Variants in KCNG3 observed in about 807,000 individuals in gnomAD.
KCNG3 encodes the protein potassium voltage-gated channel modifier subfamily G member 3.
Under a neutral mutation model 29.0 loss-of-function variants are expected in KCNG3, and 15 were observed. The ratio of observed to expected loss-of-function variants is 0.52; its 90% CI spans 0.35 to 0.80. The LOEUF is 0.80. Ranked by LOEUF, KCNG3 falls within the 30% of genes least tolerant of loss-of-function variation. KCNG3 has a pLI of 0.01. For synonymous variants in KCNG3, 322 were observed against 248.9 expected, an observed-to-expected ratio of 1.29 and a Z score of -2.76; for missense variants, 512 against 605.7, an observed-to-expected ratio of 0.85 and a Z score of 1.62.
the KCNG3 span, among the ~76,000 whole-genome samples, chr2:42,411,060 G>T: frequency 2.0e-5 from 3 of 152,194 alleles, no homozygotes; most frequent in African/African-American, 4.8e-5. Flanking sequence ...TTTATTCACT[G>T]ATTTGAGATA....
At chr2:42,403,521 C>T in the KCNG3 span, among the ~76,000 whole-genome samples, 1 of 147,376 alleles carries the variant, frequency 6.8e-6, no homozygotes, top group South Asian at 2.2e-4. Flanking sequence ...ACTCTGTCAC[C>T]CAGGCTGGAG....
the KCNG3 span, among the ~76,000 whole-genome samples, chr2:42,424,429 G>T: frequency 7.3e-6 from 1 of 137,054 alleles, no homozygotes; most frequent in Non-Finnish European, 1.6e-5. Flanking sequence ...TTCCCCCTCC[G>T]TCCCTTTAAA....
the KCNG3 span, among the ~76,000 whole-genome samples, chr2:42,399,008 T>G: frequency 6.6e-6 from 1 of 152,010 alleles, no homozygotes; most frequent in African/African-American, 2.4e-5. Context: ...CCCTGGCCCG[T>G]TTTTTAATAT....
At chr2:42,446,431 G>A (rs1054651017) in intron 1 of KCNG3, among the ~76,000 whole-genome samples, 1 of 151,752 alleles carries the variant, frequency 6.6e-6, no homozygotes, top group Non-Finnish European at 1.5e-5. Flanking sequence ...CGCCCACCTC[G>A]ACCTCCCAAA....
At chr2:42,404,169 G>C in the KCNG3 span, among the ~76,000 whole-genome samples, 5 of 152,084 alleles carry the variant, frequency 3.3e-5, no homozygotes, top group African/African-American at 1.2e-4. Context: ...AGTCTATTCT[G>C]GTTTTCAGTG....
chr2:42,403,871 G>C, the KCNG3 span, among the ~76,000 whole-genome samples: 1 of 152,082 alleles, frequency 6.6e-6, no homozygotes, highest in Non-Finnish European at 1.5e-5. Flanking sequence ...AAAGTGCTGG[G>C]ATTACGGGCA....
chr2:42,463,648 G>A (rs539570318), intron 1 of KCNG3: 3 of 178,564 alleles, frequency 1.7e-5, no homozygotes, highest in Non-Finnish European at 3.5e-5. Flanking sequence ...CCTGCCTATA[G>A]CAGTTTTGAT....
At chr2:42,457,002 A>G (rs1672893039) in intron 1 of KCNG3, among the ~76,000 whole-genome samples, 1 of 152,208 alleles carries the variant, frequency 6.6e-6, no homozygotes, top group East Asian at 1.9e-4. Flanking sequence ...CAGAGAAAAA[A>G]TATATACCAT....
intron 1 of KCNG3, among the ~76,000 whole-genome samples, chr2:42,472,012 T>C (rs753609126): frequency 7.9e-5 from 12 of 152,146 alleles, no homozygotes; most frequent in Non-Finnish European, 1.5e-4. Flanking sequence ...ACAGGACTTC[T>C]ATTCACTACT....
chr2:42,473,232 G>T (rs1051099394), intron 1 of KCNG3, among the ~76,000 whole-genome samples: 15 of 151,798 alleles, frequency 9.9e-5, no homozygotes, highest in Non-Finnish European at 1.6e-4. Flanking sequence ...TCTTTAATTG[G>T]GTAGTGGGTA....
chr2:42,448,424 T>C (rs1350966175), intron 1 of KCNG3, among the ~76,000 whole-genome samples: 1 of 151,952 alleles, frequency 6.6e-6, no homozygotes, highest in Non-Finnish European at 1.5e-5. Flanking sequence ...TTCCTAATTT[T>C]TTTCCCCCAC....
At chr2:42,480,340 A>C (rs1673550633) in intron 1 of KCNG3, among the ~76,000 whole-genome samples, 2 of 152,208 alleles carry the variant, frequency 1.3e-5, no homozygotes. Context: ...TAGGGAAAGA[A>C]CGTGCCTGAG....
At chr2:42,467,883 T>A (rs770754809) in intron 1 of KCNG3, among the ~76,000 whole-genome samples, 43 of 145,418 alleles carry the variant, frequency 3.0e-4, no homozygotes, top group Non-Finnish European at 4.3e-4. Flanking sequence ...GGTGGGAGGA[T>A]CACCCGAGCC....
chr2:42,472,451 G>A (rs779675854), intron 1 of KCNG3, among the ~76,000 whole-genome samples: 6 of 151,526 alleles, frequency 4.0e-5, no homozygotes, highest in Non-Finnish European at 8.8e-5. Context: ...CACTTTCTGT[G>A]GAAAATGAAG....
chr2:42,416,195 G>C, the KCNG3 span, among the ~76,000 whole-genome samples: 1 of 152,026 alleles, frequency 6.6e-6, no homozygotes, highest in Non-Finnish European at 1.5e-5. Context: ...TGGAGACAAA[G>C]GAAGGCAGGA....
At chr2:42,392,017 A>G in the KCNG3 span, among the ~76,000 whole-genome samples, 1 of 152,240 alleles carries the variant, frequency 6.6e-6, no homozygotes, top group Non-Finnish European at 1.5e-5. Flanking sequence ...TACCAAAGAT[A>G]CAGCAAAATC....
At chr2:42,447,217 T>A (rs756350769) in intron 1 of KCNG3, among the ~76,000 whole-genome samples, 1 of 151,860 alleles carries the variant, frequency 6.6e-6, no homozygotes, top group Non-Finnish European at 1.5e-5. Context: ...ATTTGATGTA[T>A]GTACAAACAA....
chr2:42,459,443 G>A (rs1672962749), intron 1 of KCNG3, among the ~76,000 whole-genome samples: 1 of 152,214 alleles, frequency 6.6e-6, no homozygotes, highest in Admixed American at 6.5e-5. Context: ...CACGAAATGT[G>A]CATGGCTTCA....
intron 1 of KCNG3, among the ~76,000 whole-genome samples, chr2:42,491,271 A>C (rs536075318): frequency 6.6e-6 from 1 of 152,126 alleles, no homozygotes; most frequent in East Asian, 1.9e-4. Context: ...AATGATCTCC[A>C]TATGGCCCTT....
Sources: gnomAD v4.1 joint callset for allele counts (sites outside exome capture counted in the v4.1 genomes callset) on GRCh38, gnomAD v4.1.1 for gene constraint, MANE v1.5 for transcripts, NCBI Gene and HGNC (gene_info 2026-07-23, HGNC 2026-07-21) for gene names.